TGM3: variants seen among roughly 807,000 people sequenced by gnomAD.
TGM3 encodes the protein protein-glutamine gamma-glutamyltransferase E.
Under a neutral mutation model 73.8 loss-of-function variants are expected in TGM3, and 52 were observed. That is an observed-to-expected ratio of 0.70 (90% CI 0.56 to 0.89). TGM3 has a LOEUF of 0.89. Among genes scored for constraint, TGM3 ranks in the 40% least tolerant of loss-of-function variants. The pLI, the probability that TGM3 is intolerant of heterozygous loss-of-function variation, is 0.00. For missense variants in TGM3, 928 were observed against 909.9 expected, an observed-to-expected ratio of 1.02 and a Z score of -0.26; for synonymous variants, 372 against 354.9, an observed-to-expected ratio of 1.05 and a Z score of -0.54.
chr20:2,317,329 C>G, intron 6 of TGM3, 21 bp from the exon 7 acceptor site: 1 of 1,614,194 alleles, frequency 6.2e-7, no homozygotes, highest in Admixed American at 1.7e-5. Flanking sequence ...CCTGAGTCCT[C>G]ACGCCCACCC....
intron 7 of TGM3, among the ~76,000 whole-genome samples, chr20:2,323,218 C>T (rs538557153): frequency 6.6e-6 from 1 of 152,208 alleles, no homozygotes; most frequent in African/African-American, 2.4e-5. Flanking sequence ...CCCCTTCCCA[C>T]CTTTTCTCTC....
At position 2,310,205 on chromosome 20, in the gene TGM3, C is replaced by G; in HGVS notation, c.209C>G (p.Thr70Arg). The G allele has an allele frequency of 1.2e-6, 2 of 1,614,220 alleles. No homozygotes were observed. The highest frequency in any genetic ancestry group is 8.5e-7 in the Non-Finnish European group (1 of 1,180,038). ...CCTTACCCCTCAGAGTCGGCCATGA[C>G]GAAGGCTGTGTTTCCACTCTCCAAT... ...TGPYPSESAM[T>R]KAVFPLSNGS... The change falls in exon 3 of 13, where the codon ACG becomes AGG. Residue 70 changes from threonine to arginine, a missense_variant. Thr to Arg is a moderately conservative substitution (Grantham distance 71). Transcript: ENST00000381458.
chr20:2,335,184 CG>C lies in TGM3; in HGVS notation c.1713del (p.Ile572SerfsTer26), dbSNP rs2084342507. Reference protein sequence around the residue: ...EKYLKSDNMIRITAVCKVPDE... With the variant: ...EKYLKSDNMIXITAVCKVPDE... ...GTACCTGAAGTCAGACAACATGATCCGGATCACAGCGGTGTGCAAGGTCCCA... is the reference window on the plus strand; with the variant it reads ...GTACCTGAAGTCAGACAACATGATCCGATCACAGCGGTGTGCAAGGTCCCA... On this transcript the variant is annotated frameshift_variant, in exon 11 of 13. Transcript: ENST00000381458. LOFTEE classifies it high-confidence loss of function. 1 of 1,614,080 alleles carries C rather than the reference CG, an allele frequency of 6.2e-7. No individual in the cohort carries two copies. Among genetic ancestry groups the C allele is most frequent in the African/African-American group, 1.3e-5 (1 of 74,926 alleles).
At position 2,332,294 on chromosome 20, in the gene TGM3, C is replaced by T; in HGVS notation, c.1626C>T (p.Ser542=). 1 of 1,598,536 alleles carries T rather than the reference C, an allele frequency of 6.3e-7. No individual in the cohort carries two copies. ...HEVWKDSATM[S]LDPEEEAEHP... ...TGTGGAAGGACTCTGCCACAATGTC[C>T]CTGGACCCTGAGGAAGGTAACGCAT... The change falls in exon 10 of 13, where the codon TCC becomes TCT. Residue 542 remains serine, a synonymous_variant. Coordinates refer to ENST00000381458, the MANE Select transcript of TGM3 (RefSeq NM_003245.4). This position sits in a 1 kb window ranked among gnomAD's most constrained non-coding sequence, Gnocchi z 4.4.
In TGM3 at chr20:2,332,371, G is replaced by A. The variant is rs942152044; in HGVS notation, c.1642+61G>A. The A allele has an allele frequency of 1.0e-5, 15 of 1,467,136 alleles. No homozygotes were observed. The highest frequency in any genetic ancestry group is 1.4e-5 in the Non-Finnish European group (15 of 1,103,872). 90.9% of individuals were successfully genotyped at this position (1,467,136 alleles called of 1,614,324 possible). ...CCGAGGTAGCCAATGGCCTTCTGGG[G>A]CTGCAGGGTGTCTGCTGGGCTCCAG... On this transcript the variant is annotated intron_variant, in intron 10 of 12. Coordinates refer to ENST00000381458, the MANE Select transcript of TGM3 (RefSeq NM_003245.4). This position sits in a 1 kb window ranked among gnomAD's most constrained non-coding sequence, Gnocchi z 4.4.
chr20:2,316,982 C>G, intron 5 of TGM3, 86 bp from the exon 6 acceptor site: 2 of 1,498,522 alleles, frequency 1.3e-6, no homozygotes, highest in Non-Finnish European at 9.2e-7. Flanking sequence ...CCTCATCTCC[C>G]CACCTTGTCC....
intron 4 of TGM3, 139 bp from the exon 5 acceptor site, chr20:2,312,759 C>A: frequency 1.6e-6 from 2 of 1,232,994 alleles, no homozygotes; most frequent in Non-Finnish European, 2.3e-6. Context: ...TGGTGGCTGT[C>A]CTCAGTAGCT....
At chr20:2,306,244 A>G (rs2084175986) in intron 1 of TGM3, among the ~76,000 whole-genome samples, 1 of 152,136 alleles carries the variant, frequency 6.6e-6, no homozygotes, top group Non-Finnish European at 1.5e-5. Context: ...GTGCTGGACA[A>G]ACAGCCATCT....
At chr20:2,304,764 CTGTT>C (rs962210136) in intron 1 of TGM3, among the ~76,000 whole-genome samples, 1 of 152,206 alleles carries the variant, frequency 6.6e-6, no homozygotes, top group African/African-American at 2.4e-5. Flanking sequence ...AATTCTCACA[CTGTT>C]TGGAGTTAGC....
In TGM3 at chr20:2,335,256, C is replaced by T. The variant is rs771543053; in HGVS notation, c.1783C>T (p.Pro595Ser). ...GGAGCGGGACATCATCCTGGACAAC[C>T]CCACCTTGACCCTGGAGGTAATGGG... is the stretch of plus-strand genomic sequence containing the variant. Reference protein sequence around the residue: ...VVERDIILDNPTLTLEVLNEA... With the variant: ...VVERDIILDNSTLTLEVLNEA... Residue 595 changes from proline to serine, a missense_variant, in exon 11 of 13, where the codon CCC becomes TCC. By Grantham distance (74) the Pro-to-Ser change is moderately conservative. Transcript: ENST00000381458. 3.1e-6 allele frequency: 5 copies of T among 1,614,104 alleles called. No homozygotes were observed. The South Asian group carries it at 3.3e-5, about 11-fold the overall frequency.
chr20:2,304,947 A>G (rs2084169554), intron 1 of TGM3, among the ~76,000 whole-genome samples: 1 of 152,144 alleles, frequency 6.6e-6, no homozygotes, highest in African/African-American at 2.4e-5. Context: ...AGCTCACAGG[A>G]CTCAGGAAAA....
At chr20:2,327,219 C>T (rs1171458074) in intron 8 of TGM3, among the ~76,000 whole-genome samples, 4 of 152,024 alleles carry the variant, frequency 2.6e-5, no homozygotes, top group Non-Finnish European at 5.9e-5. Context: ...GCCTGTAATC[C>T]CAGCACTTTG....
intron 1 of TGM3, among the ~76,000 whole-genome samples, chr20:2,299,880 C>T (rs1203097242): frequency 6.6e-6 from 1 of 152,088 alleles, no homozygotes. Context: ...GGTAGATTAT[C>T]TGAGGTCAGG....
rs1188666374 is a variant in TGM3, at chr20:2,309,846, C to T, written c.181+16C>T. On this transcript the variant is annotated intron_variant, in intron 2 of 12. Transcript: ENST00000381458. The stretch of plus-strand genomic sequence containing the variant: ...GTCTCCACAGGTACCTGCTCATTCC[C>T]CTCCTTGCCCAAACACACACATACT... 1.9e-6 allele frequency: 3 copies of T among 1,613,684 alleles called. No homozygotes were observed. Among genetic ancestry groups the T allele is most frequent in the Non-Finnish European group, 2.5e-6 (3 of 1,179,750 alleles).
intron 7 of TGM3, among the ~76,000 whole-genome samples, chr20:2,320,863 A>G (rs945059901): frequency 3.3e-5 from 5 of 152,108 alleles, no homozygotes; most frequent in African/African-American, 1.2e-4. Flanking sequence ...TGTTTTCTTC[A>G]TTCATTTGGC....
In TGM3 at chr20:2,328,394, G is replaced by A. The variant is rs745380032; in HGVS notation, c.1333+29G>A. The A allele has an allele frequency of 5.1e-5, 82 of 1,612,370 alleles. No individual in the cohort carries two copies. The highest frequency in any genetic ancestry group is 6.1e-5 in the Non-Finnish European group (72 of 1,179,148). On this transcript the variant is annotated intron_variant, in intron 9 of 12. Coordinates refer to ENST00000381458, the MANE Select transcript of TGM3 (RefSeq NM_003245.4). The surrounding 1 kb of genome is among the most constrained non-coding windows in gnomAD (Gnocchi z 5.2). ...GGAGGGACGCTGGCGGGGCAGTGCC[G>A]CGAGAGGTTCTATTGTGGGAGGATG...
chr20:2,340,758 C>A lies in TGM3; in HGVS notation c.*177C>A. The A allele has an allele frequency of 1.2e-6, 1 of 823,624 alleles. No individual in the cohort carries two copies. The highest frequency in any genetic ancestry group is 2.0e-6 in the Non-Finnish European group (1 of 499,010). 51.0% of individuals were successfully genotyped at this position (823,624 alleles called of 1,614,324 possible). Reference sequence around the variant, plus strand: ...CCCTCTCCTCTCCCCCAGGTTGGGGCTGGGTCCACCCTGTCCTATGACTTG... The same window carrying A: ...CCCTCTCCTCTCCCCCAGGTTGGGGATGGGTCCACCCTGTCCTATGACTTG... On this transcript the variant is annotated 3_prime_UTR_variant, in exon 13 of 13. Coordinates refer to ENST00000381458, the MANE Select transcript of TGM3 (RefSeq NM_003245.4).
At position 2,332,070 on chromosome 20, in the gene TGM3, G is replaced by A. The variant is rs201479752; in HGVS notation, c.1402G>A (p.Ala468Thr). 1.2e-5 allele frequency: 19 copies of A among 1,614,034 alleles called. No individual in the cohort carries two copies. Among genetic ancestry groups the A allele is most frequent in the South Asian group, 4.4e-5 (4 of 91,088 alleles). ...ACTTAAACCCAACACGCCATTTGCCGCGACGTCTTCAATGGGTTTGGAAAC... is the reference window on the plus strand; with the variant it reads ...ACTTAAACCCAACACGCCATTTGCCACGACGTCTTCAATGGGTTTGGAAAC... ...GKLKPNTPFA[A>T]TSSMGLETEE... is the part of the protein sequence containing the mutation. Residue 468 changes from alanine to threonine, a missense_variant, in exon 10 of 13, where the codon GCG becomes ACG. Ala to Thr is a moderately conservative substitution (Grantham distance 58). Transcript: ENST00000381458. The surrounding 1 kb of genome is among the most constrained non-coding windows in gnomAD (Gnocchi z 4.4).
intron 5 of TGM3, among the ~76,000 whole-genome samples, chr20:2,314,359 T>G (rs1403258735): frequency 6.6e-6 from 1 of 151,866 alleles, no homozygotes; most frequent in African/African-American, 2.4e-5. Context: ...CCAGAATATC[T>G]AAACCTAGAT....
Sources: gnomAD v4.1 joint callset for allele counts (sites outside exome capture counted in the v4.1 genomes callset) on GRCh38, gnomAD v4.1.1 for gene constraint, Gnocchi (gnomAD v3.1) non-coding constraint, MANE v1.5 for transcripts, NCBI Gene and HGNC (gene_info 2026-07-23, HGNC 2026-07-21) for gene names.